Variants in SLC2A13 observed in about 807,000 individuals in gnomAD.
The protein encoded by SLC2A13 is solute carrier family 2 member 13.
SLC2A13 carries 32 observed loss-of-function variants against 64.4 expected under a neutral mutation model. That is an observed-to-expected ratio of 0.50 (90% CI 0.37 to 0.67). SLC2A13 has a LOEUF of 0.67. SLC2A13 is among the 30% of genes least tolerant of loss of function. SLC2A13 has a pLI of 0.00. For missense variants in SLC2A13, 743 were observed against 829.2 expected (o/e 0.90, Z 1.28); for synonymous variants, 338 against 327.1 (o/e 1.03, Z -0.36).
intron 7 of SLC2A13, among the ~76,000 whole-genome samples, chr12:39,788,906 G>C (rs1363699543): frequency 6.6e-6 from 1 of 152,102 alleles, no homozygotes; most frequent in African/African-American, 2.4e-5. Context: ...ATTTTGGTAT[G>C]CCTCCTTAGA....
chr12:40,048,503 C>A (rs146951742), intron 1 of SLC2A13, among the ~76,000 whole-genome samples: 61 of 152,026 alleles, frequency 4.0e-4, no homozygotes, highest in African/African-American at 1.4e-3. Flanking sequence ...TTTATAACTT[C>A]TTGAGGACTA....
intron 3 of SLC2A13, among the ~76,000 whole-genome samples, chr12:39,953,120 T>C (rs1215148429): frequency 6.6e-6 from 1 of 152,170 alleles, no homozygotes; most frequent in African/African-American, 2.4e-5. Flanking sequence ...ACTATTAAAC[T>C]GTATCATGAT....
chr12:39,837,960 A>C (rs950714332), intron 6 of SLC2A13, among the ~76,000 whole-genome samples: 30 of 151,226 alleles, frequency 2.0e-4, no homozygotes, highest in African/African-American at 2.9e-4. Flanking sequence ...AGAACTAGAA[A>C]TACCATTTGA....
chr12:39,908,189 C>T (rs1945341372), intron 4 of SLC2A13: 1 of 151,958 alleles, frequency 6.6e-6, no homozygotes, highest in Non-Finnish European at 1.5e-5. Flanking sequence ...TCTCTGGATA[C>T]ACAAAGAGCC....
intron 3 of SLC2A13, among the ~76,000 whole-genome samples, chr12:39,971,832 G>A (rs1946650376): frequency 6.6e-6 from 1 of 150,988 alleles, no homozygotes; most frequent in African/African-American, 2.4e-5. Flanking sequence ...AATATTAGAT[G>A]GGCATGTTGG....
intron 3 of SLC2A13, among the ~76,000 whole-genome samples, chr12:39,980,491 A>T (rs1946869004): frequency 6.6e-6 from 1 of 151,680 alleles, no homozygotes; most frequent in Non-Finnish European, 1.5e-5. Context: ...CTACCAAGCA[A>T]ATGGAAAACA....
chr12:39,865,318 T>C (rs1298482970), intron 5 of SLC2A13, among the ~76,000 whole-genome samples: 1 of 152,238 alleles, frequency 6.6e-6, no homozygotes, highest in African/African-American at 2.4e-5. Context: ...CATTCAATCA[T>C]GTAAGACTTA....
At chr12:39,896,348 G>A (rs928485726) in intron 4 of SLC2A13, among the ~76,000 whole-genome samples, 24 of 126,608 alleles carry the variant, frequency 1.9e-4, no homozygotes, top group Non-Finnish European at 3.1e-4. Flanking sequence ...ATACATATAT[G>A]TATGTATATG....
chr12:39,800,541 A>G (rs1414226539), intron 7 of SLC2A13, among the ~76,000 whole-genome samples: 2 of 114,034 alleles, frequency 1.8e-5, no homozygotes, highest in East Asian at 2.5e-4. Flanking sequence ...CAAAACCACT[A>G]TGAGATATCA....
intron 6 of SLC2A13, among the ~76,000 whole-genome samples, chr12:39,835,000 CT>C (rs1171594995): frequency 2.0e-5 from 3 of 152,060 alleles, no homozygotes; most frequent in African/African-American, 7.2e-5. Context: ...TCAAGATTTG[CT>C]CTTTAAGCCT....
At chr12:40,013,288 T>G (rs1432676840) in intron 3 of SLC2A13, among the ~76,000 whole-genome samples, 2 of 152,150 alleles carry the variant, frequency 1.3e-5, no homozygotes, top group Non-Finnish European at 2.9e-5. Flanking sequence ...GAGCAGGGGA[T>G]CTTGTTACCA....
At chr12:40,028,172 TATAA>T in intron 3 of SLC2A13, 125 bp downstream of exon 3, 2 of 436,014 alleles carry the variant, frequency 4.6e-6, no homozygotes, top group Non-Finnish European at 7.6e-6. Context: ...TTTGTATAAA[TATAA>T]ATATCCATAT....
At chr12:40,026,883 C>G (rs867383415) in intron 3 of SLC2A13, among the ~76,000 whole-genome samples, 3 of 152,218 alleles carry the variant, frequency 2.0e-5, no homozygotes, top group Middle Eastern at 6.8e-3. Context: ...AGTTCAAGAC[C>G]AGCCTGGCCA....
At chr12:39,939,378 T>C (rs1945979754) in intron 4 of SLC2A13, among the ~76,000 whole-genome samples, 1 of 152,210 alleles carries the variant, frequency 6.6e-6, no homozygotes, top group Non-Finnish European at 1.5e-5. Context: ...TGAGAATGCT[T>C]TGTTTTGTTT....
intron 4 of SLC2A13, among the ~76,000 whole-genome samples, chr12:39,893,755 T>G (rs1182677965): frequency 3.9e-5 from 6 of 152,264 alleles, no homozygotes; most frequent in Non-Finnish European, 8.8e-5. Flanking sequence ...CATTTTCAAG[T>G]TATTCATTAA....
intron 3 of SLC2A13, among the ~76,000 whole-genome samples, chr12:40,016,330 C>T (rs1346693997): frequency 6.6e-6 from 1 of 152,088 alleles, no homozygotes; most frequent in Non-Finnish European, 1.5e-5. Flanking sequence ...TGAACAGAAA[C>T]CCTGATAAGC....
At chr12:40,010,260 A>G (rs1947505225) in intron 3 of SLC2A13, among the ~76,000 whole-genome samples, 1 of 152,208 alleles carries the variant, frequency 6.6e-6, no homozygotes, top group South Asian at 2.1e-4. Flanking sequence ...AGTTGTTTGG[A>G]TCTGCAAGTG....
chr12:39,972,125 T>C (rs1946673456), intron 3 of SLC2A13, among the ~76,000 whole-genome samples: 2 of 149,012 alleles, frequency 1.3e-5, no homozygotes, highest in Non-Finnish European at 3.0e-5. Flanking sequence ...CTTTACTTCT[T>C]AGACTACCAT....
intron 1 of SLC2A13, among the ~76,000 whole-genome samples, chr12:40,084,334 T>C (rs544299829): frequency 6.6e-6 from 1 of 152,358 alleles, no homozygotes; most frequent in South Asian, 2.1e-4. Flanking sequence ...TGGCTTAGAA[T>C]TGTGTGGTCT....
Sources: gnomAD v4.1 joint callset for allele counts (sites outside exome capture counted in the v4.1 genomes callset) on GRCh38, gnomAD v4.1.1 for gene constraint, MANE v1.5 for transcripts, NCBI Gene and HGNC (gene_info 2026-07-23, HGNC 2026-07-21) for gene names.